BCKDHB: variants seen among roughly 807,000 people sequenced by gnomAD.
The protein encoded by BCKDHB is branched chain keto acid dehydrogenase E1 subunit beta.
BCKDHB carries 41 observed loss-of-function variants against 48.5 expected under a neutral mutation model. That is an observed-to-expected ratio of 0.85 (90% CI 0.66 to 1.10). The LOEUF is 1.10. BCKDHB is among the 50% of genes least tolerant of loss of function. BCKDHB has a pLI of 0.00. For missense variants in BCKDHB, 496 were observed against 494.2 expected, an observed-to-expected ratio of 1.00 and a Z score of -0.03; for synonymous variants, 201 against 174.8, an observed-to-expected ratio of 1.15 and a Z score of -1.18.
chr6:80,419,261 T>C, the BCKDHB span, among the ~76,000 whole-genome samples: 2 of 152,148 alleles, frequency 1.3e-5, no homozygotes, highest in East Asian at 3.9e-4. Context: ...ATGTGTGGGC[T>C]GTTGCGTGGC....
chr6:80,276,541 G>A (rs186597850), intron 9 of BCKDHB, among the ~76,000 whole-genome samples: 1 of 151,702 alleles, frequency 6.6e-6, no homozygotes, highest in Non-Finnish European at 1.5e-5. Flanking sequence ...GCTTATTTTA[G>A]TATACAGATC....
chr6:80,432,436 T>C, the BCKDHB span, among the ~76,000 whole-genome samples: 20 of 152,162 alleles, frequency 1.3e-4, no homozygotes, highest in Admixed American at 3.9e-4. Context: ...AAGTTGGTCT[T>C]CAATCACTGA....
chr6:80,173,391 C>T (rs569783461), intron 6 of BCKDHB, among the ~76,000 whole-genome samples: 2 of 152,170 alleles, frequency 1.3e-5, no homozygotes, highest in South Asian at 2.1e-4. Flanking sequence ...TAGAAAGCTT[C>T]TCTGCAGAAG....
At chr6:80,248,339 A>G (rs1458553118) in intron 8 of BCKDHB, among the ~76,000 whole-genome samples, 2 of 152,102 alleles carry the variant, frequency 1.3e-5, no homozygotes, top group African/African-American at 4.8e-5. Context: ...TTCCAGATAC[A>G]CTGCTTTTTT....
chr6:80,107,532 T>TATATATATGC lies in BCKDHB; in HGVS notation c.196+651_196+652insGCATATATAT, dbSNP rs1370591705. ...ATGTGCGCATATATATATATATGCA[T>TATATATATGC]ATATATATATGCACACATATATATG... On this transcript the variant is annotated intron_variant, in intron 1 of 9. Transcript: ENST00000320393. Among the ~76,000 whole-genome samples the TATATATATGC allele has an allele frequency of 4.2e-3, 375 of 88,700 alleles. 1 individual carries two copies. The highest frequency in any genetic ancestry group is 0.014 in the African/African-American group (342 of 24,522). The allele number at this position is 88,700 out of a possible 152,430, so 58.2% of individuals were successfully genotyped here.
chr6:80,337,329 T>C (rs1344113442), intron 9 of BCKDHB, among the ~76,000 whole-genome samples: 1 of 152,150 alleles, frequency 6.6e-6, no homozygotes, highest in Non-Finnish European at 1.5e-5. Context: ...CTATACATCA[T>C]TTTAGAATAC....
chr6:80,242,624 A>G (rs1317315257), intron 8 of BCKDHB, among the ~76,000 whole-genome samples: 1 of 152,162 alleles, frequency 6.6e-6, no homozygotes, highest in Non-Finnish European at 1.5e-5. Flanking sequence ...ATTTATAGAT[A>G]ATTTGAGGAA....
the BCKDHB span, among the ~76,000 whole-genome samples, chr6:80,401,461 G>T: frequency 5.3e-5 from 8 of 151,636 alleles, no homozygotes; most frequent in Non-Finnish European, 1.0e-4. Flanking sequence ...AAGTTATATG[G>T]TTTGGCTCTG....
At chr6:80,123,580 G>A (rs963984584) in intron 1 of BCKDHB, among the ~76,000 whole-genome samples, 1 of 152,148 alleles carries the variant, frequency 6.6e-6, no homozygotes, top group African/African-American at 2.4e-5. Context: ...GCCTGTTATT[G>A]TTCTATTCAG....
chr6:80,198,585 C>T lies in BCKDHB; in HGVS notation c.743-2349C>T, dbSNP rs1326826103. ...TCTATCACCCATAAAGCACCCATTA[C>T]ATTTAATAGTTTTTACTTATAAACA... On this transcript the variant is annotated intron_variant, in intron 6 of 9. Coordinates refer to ENST00000320393, the MANE Select transcript of BCKDHB (RefSeq NM_183050.4). Among the ~76,000 whole-genome samples the T allele has an allele frequency of 5.4e-4, 82 of 152,084 alleles. 1 individual carries two copies. Among genetic ancestry groups the T allele is most frequent in the Admixed American group, 5.4e-3 (82 of 15,270 alleles).
chr6:80,166,652 A>T (rs555435803), intron 3 of BCKDHB, among the ~76,000 whole-genome samples: 7 of 125,260 alleles, frequency 5.6e-5, no homozygotes, highest in African/African-American at 1.8e-4. Context: ...GCAAAACTCC[A>T]TCTCAAAAAA....
At chr6:80,388,697 T>C in the BCKDHB span, among the ~76,000 whole-genome samples, 1 of 152,214 alleles carries the variant, frequency 6.6e-6, no homozygotes, top group Admixed American at 6.5e-5. Flanking sequence ...TCTCTCAGCC[T>C]GCACCAGTGA....
At chr6:80,416,458 C>G in the BCKDHB span, among the ~76,000 whole-genome samples, 2 of 151,990 alleles carry the variant, frequency 1.3e-5, no homozygotes. Context: ...AGCTGCATCC[C>G]AGAGATTCTG....
rs184404631 is a variant in BCKDHB, at chr6:80,232,547, C to G, written c.951+29335C>G. ...AGTTATATACATACATGTTTATATTCTCTCTATAGCACATATACATTTGTA... is the reference window on the plus strand; with the variant it reads ...AGTTATATACATACATGTTTATATTGTCTCTATAGCACATATACATTTGTA... On this transcript the variant is annotated intron_variant, in intron 8 of 9. Coordinates refer to ENST00000320393, the MANE Select transcript of BCKDHB (RefSeq NM_183050.4). 1.3e-4 allele frequency among the ~76,000 whole-genome samples: 19 copies of G among 150,894 alleles called. No individual in the cohort carries two copies. In the East Asian group the frequency reaches 3.7e-3, roughly 29 times the overall value.
rs79821968 is a variant in BCKDHB, at chr6:80,220,133, C to G, written c.951+16921C>G. ...AACTCTTAGCAGTTGTATGATAGAC[C>G]TGCTAGGTTGATTCTGTTTCTCATT... On this transcript the variant is annotated intron_variant, in intron 8 of 9. Coordinates refer to ENST00000320393, the MANE Select transcript of BCKDHB (RefSeq NM_183050.4). Among the ~76,000 whole-genome samples the G allele has an allele frequency of 9.2e-3, 1,404 of 151,800 alleles. 27 individuals are homozygous for G. The highest frequency in any genetic ancestry group is 0.032 in the African/African-American group (1,336 of 41,438).
At chr6:80,230,141 C>A (rs983032484) in intron 8 of BCKDHB, among the ~76,000 whole-genome samples, 1 of 140,044 alleles carries the variant, frequency 7.1e-6, no homozygotes, top group African/African-American at 2.7e-5. Flanking sequence ...TGGGTTCATG[C>A]CATTCTCCTG....
At chr6:80,384,361 T>G in the BCKDHB span, among the ~76,000 whole-genome samples, 79,320 of 150,570 alleles carry the variant, frequency 0.53, 21,354 homozygotes, top group Non-Finnish European at 0.59. Context: ...TTTTTTTTTT[T>G]TTGTTGTTGT....
At chr6:80,354,517 C>G in the BCKDHB span, among the ~76,000 whole-genome samples, 1 of 152,322 alleles carries the variant, frequency 6.6e-6, no homozygotes, top group South Asian at 2.1e-4. Context: ...GTGTGAGCCT[C>G]CATGCCTGGC....
intron 3 of BCKDHB, among the ~76,000 whole-genome samples, chr6:80,136,280 A>G (rs1003433338): frequency 6.6e-6 from 1 of 152,186 alleles, no homozygotes; most frequent in Admixed American, 6.6e-5. Flanking sequence ...GATGAATGGA[A>G]TAGAATAGAG....
Sources: gnomAD v4.1 joint callset for allele counts (sites outside exome capture counted in the v4.1 genomes callset) on GRCh38, gnomAD v4.1.1 for gene constraint, MANE v1.5 for transcripts, NCBI Gene and HGNC (gene_info 2026-07-23, HGNC 2026-07-21) for gene names.